UGT1A8: variants seen among roughly 807,000 people sequenced by gnomAD.
UGT1A8 encodes UDP-glucuronosyltransferase 1A8.
UGT1A8 carries 39 observed loss-of-function variants against 45.3 expected under a neutral mutation model. The ratio of observed to expected loss-of-function variants is 0.86; its 90% CI spans 0.67 to 1.12. The LOEUF (loss-of-function observed/expected upper bound fraction) is 1.12. Among genes scored for constraint, UGT1A8 ranks in the 50% most tolerant of loss-of-function variants. The pLI is 0.00. For synonymous variants in UGT1A8, 275 were observed against 249.2 expected, an observed-to-expected ratio of 1.10 and a Z score of -0.97; for missense variants, 719 against 664.9, an observed-to-expected ratio of 1.08 and a Z score of -0.90.
At chr2:233,633,582 C>T (rs2073229007) in intron 1 of UGT1A8, among the ~76,000 whole-genome samples, 1 of 152,124 alleles carries the variant, frequency 6.6e-6, no homozygotes, top group Non-Finnish European at 1.5e-5. Context: ...CCTAGAATGT[C>T]TAGTTTATTT....
At chr2:233,761,125 T>C (rs754213125) in intron 1 of UGT1A8, 1 of 1,614,252 alleles carries the variant, frequency 6.2e-7, no homozygotes, top group Non-Finnish European at 8.5e-7. Context: ...TGGAATCAAC[T>C]GCCTTCACCA....
At chr2:233,624,388 G>T (rs2073060441) in intron 1 of UGT1A8, among the ~76,000 whole-genome samples, 1 of 152,090 alleles carries the variant, frequency 6.6e-6, no homozygotes, top group African/African-American at 2.4e-5. Flanking sequence ...TTTTATCATG[G>T]TTAAACTGGG....
chr2:233,718,985 C>T (rs45571233), intron 1 of UGT1A8: 1 of 1,614,226 alleles, frequency 6.2e-7, no homozygotes, highest in East Asian at 2.2e-5. Flanking sequence ...ATGCCAGAGG[C>T]CACCAGGCGG....
chr2:233,712,007 C>A (rs561891782), intron 1 of UGT1A8, among the ~76,000 whole-genome samples: 50 of 152,312 alleles, frequency 3.3e-4, no homozygotes, highest in African/African-American at 1.1e-3. Flanking sequence ...CTGGAGGAAC[C>A]ATTCTTATCA....
chr2:233,689,927 G>A (rs547999990), intron 1 of UGT1A8: 14 of 456,506 alleles, frequency 3.1e-5, no homozygotes, highest in South Asian at 7.7e-5. Flanking sequence ...AATTTCCTTC[G>A]AAAGAACCCA....
chr2:233,765,604 G>T (rs986298003), intron 1 of UGT1A8, among the ~76,000 whole-genome samples: 11 of 151,976 alleles, frequency 7.2e-5, no homozygotes, highest in Non-Finnish European at 1.2e-4. Context: ...CAGGGCTTGT[G>T]GCGGGGTGAG....
At chr2:233,697,567 A>T (rs1248890446) in intron 1 of UGT1A8, among the ~76,000 whole-genome samples, 1 of 148,818 alleles carries the variant, frequency 6.7e-6, no homozygotes, top group African/African-American at 2.5e-5. Context: ...GCCTCAATTT[A>T]ATTTATTTTT....
At chr2:233,714,116 G>A (rs869462) in intron 1 of UGT1A8, among the ~76,000 whole-genome samples, 2 of 152,116 alleles carry the variant, frequency 1.3e-5, no homozygotes, top group African/African-American at 2.4e-5. Flanking sequence ...TGTGACTCAC[G>A]GAGACTGTTC....
intron 1 of UGT1A8, chr2:233,672,036 T>C (rs1575415485): frequency 1.2e-6 from 2 of 1,614,016 alleles, no homozygotes; most frequent in African/African-American, 2.7e-5. Context: ...TGCCCATGGA[T>C]GGGAGCCACT....
In UGT1A8 at chr2:233,618,577, C is replaced by T; in HGVS notation, c.855+15C>T. Reference sequence around the variant, plus strand: ...CATTGCCTATGGTAAGTCACCTCTCCTTTAGCACATTAGGAATAATCTGGC... The same window carrying T: ...CATTGCCTATGGTAAGTCACCTCTCTTTTAGCACATTAGGAATAATCTGGC... On this transcript the variant is annotated intron_variant, in intron 1 of 4. Coordinates refer to ENST00000373450, the MANE Select transcript of UGT1A8 (RefSeq NM_019076.5). 1 of 1,603,634 alleles carries T rather than the reference C, an allele frequency of 6.2e-7. No individual in the cohort carries two copies.
chr2:233,704,581 CAGAG>C (rs563313301), intron 1 of UGT1A8, among the ~76,000 whole-genome samples: 4 of 151,992 alleles, frequency 2.6e-5, no homozygotes, highest in African/African-American at 7.3e-5. Flanking sequence ...TTTCAAGAAT[CAGAG>C]AGAAGAAAGA....
At chr2:233,647,713 A>T (rs992213733) in intron 1 of UGT1A8, among the ~76,000 whole-genome samples, 2 of 152,236 alleles carry the variant, frequency 1.3e-5, no homozygotes, top group Non-Finnish European at 2.9e-5. Flanking sequence ...TAATACCTGT[A>T]GAATTTATGG....
chr2:233,743,781 A>C (rs757688108), intron 1 of UGT1A8: 2 of 1,366,938 alleles, frequency 1.5e-6, no homozygotes, highest in Non-Finnish European at 2.0e-6. Flanking sequence ...ACCTGCTTGA[A>C]TCTCCTCTCC....
At chr2:233,661,076 AT>A (rs1426201751) in intron 1 of UGT1A8, among the ~76,000 whole-genome samples, 4 of 152,074 alleles carry the variant, frequency 2.6e-5, no homozygotes, top group African/African-American at 9.7e-5. Flanking sequence ...TAAAAGCTGC[AT>A]TTTTTATAAT....
intron 1 of UGT1A8, among the ~76,000 whole-genome samples, chr2:233,664,516 G>A (rs934240102): frequency 6.6e-6 from 1 of 152,178 alleles, no homozygotes; most frequent in African/African-American, 2.4e-5. Flanking sequence ...GCATGGCGCT[G>A]CCATCTGTTC....
At chr2:233,637,686 G>A (rs2073338290) in intron 1 of UGT1A8, among the ~76,000 whole-genome samples, 1 of 152,120 alleles carries the variant, frequency 6.6e-6, no homozygotes, top group South Asian at 2.1e-4. Context: ...TTAATTCTAT[G>A]TGACCCCGTA....
chr2:233,670,406 T>C (rs1559333020), intron 1 of UGT1A8, among the ~76,000 whole-genome samples: 1 of 152,250 alleles, frequency 6.6e-6, no homozygotes, highest in South Asian at 2.1e-4. Flanking sequence ...TTGAAAATGC[T>C]TTTTTACAGT....
Position 233,618,321 on chromosome 2 carries a change from A to G in UGT1A8, c.614A>G (p.Glu205Gly). The change falls in exon 1 of 5, where the codon GAG (glutamate) becomes GGG (glycine). Residue 205 changes from glutamate to glycine, a missense_variant. Coordinates refer to ENST00000373450, the MANE Select transcript of UGT1A8 (RefSeq NM_019076.5). ...TTCTCAGATGCCATGACTTTCAAGG[A>G]GAGAGTACGGAACCACATCATGCAC... is the stretch of plus-strand genomic sequence containing the variant. ...LGFSDAMTFK[E>G]RVRNHIMHLE... The G allele has an allele frequency of 6.2e-7, 1 of 1,613,960 alleles. No individual in the cohort carries two copies. Among genetic ancestry groups the G allele is most frequent in the Non-Finnish European group, 8.5e-7 (1 of 1,179,862 alleles).
chr2:233,644,209 G>T (rs1235617712), intron 1 of UGT1A8, among the ~76,000 whole-genome samples: 1 of 152,114 alleles, frequency 6.6e-6, no homozygotes, highest in African/African-American at 2.4e-5. Flanking sequence ...CGGTGGTGAG[G>T]TCTGTGGGCA....
Sources: allele counts gnomAD v4.1 joint callset (sites outside exome capture counted in the v4.1 genomes callset), GRCh38; gene constraint gnomAD v4.1.1; transcripts MANE v1.5; gene names NCBI Gene and HGNC (gene_info 2026-07-23, HGNC 2026-07-21).